The following ANKRD31 variants were observed in gnomAD, a reference collection of about 807,000 sequenced individuals.
ANKRD31 encodes ankyrin repeat domain 31, also known as ankyrin repeat domain-containing protein 31.
A neutral mutation model predicts 186.0 loss-of-function variants in ANKRD31; 147 were observed. That is an observed-to-expected ratio of 0.79 (90% CI 0.69 to 0.91). ANKRD31 has a LOEUF of 0.91. ANKRD31 is among the 40% of genes least tolerant of loss of function. The pLI is 0.00. For missense variants in ANKRD31, 1,986 were observed against 2,148.8 expected (o/e 0.92, Z 1.50); for synonymous variants, 673 against 736.4 (o/e 0.91, Z 1.39).
intron 17 of ANKRD31, among the ~76,000 whole-genome samples, chr5:75,122,396 G>A (rs1182088201): frequency 6.6e-6 from 1 of 151,498 alleles, no homozygotes; most frequent in Non-Finnish European, 1.5e-5. Context: ...AAAAAAAACT[G>A]AGCAGGAGAG....
intron 10 of ANKRD31, among the ~76,000 whole-genome samples, chr5:75,185,767 A>G (rs1479145968): frequency 2.0e-5 from 3 of 152,062 alleles, no homozygotes; most frequent in Non-Finnish European, 4.4e-5. Context: ...TGTATTAAAA[A>G]AACACATTGT....
At chr5:75,169,291 T>C (rs969553804) in intron 10 of ANKRD31, 170 bp from the exon 11 acceptor site, 98 of 765,660 alleles carry the variant, frequency 1.3e-4, no homozygotes, top group Non-Finnish European at 1.8e-4. Context: ...GTAGGTTCAA[T>C]AAACCTGAAG....
Position 75,193,496 on chromosome 5 carries a change from T to C in ANKRD31, c.1113A>G (p.Ser371=). 2 of 1,537,250 alleles carry C rather than the reference T, an allele frequency of 1.3e-6. No homozygotes were observed. The highest frequency in any genetic ancestry group is 1.7e-6 in the Non-Finnish European group (2 of 1,146,746). The change falls in exon 8 of 26, where the codon TCA becomes TCG. Residue 371 remains serine, a synonymous_variant. Coordinates refer to ENST00000506364, the MANE Select transcript of ANKRD31 (RefSeq NM_001372053.1). ...TTTCCTGATCAGAGCTATTTGTCAC[T>C]GAATTTGAATTTCTCTTATTACTTA... ...EPLSNKRNSN[S]VTNSSDQETA...
intron 17 of ANKRD31, among the ~76,000 whole-genome samples, chr5:75,129,248 T>C (rs1749529156): frequency 6.6e-6 from 1 of 152,212 alleles, no homozygotes; most frequent in Admixed American, 6.5e-5. Flanking sequence ...TCCTGAGGTC[T>C]CCTCAGTCAT....
intron 22 of ANKRD31, among the ~76,000 whole-genome samples, chr5:75,098,647 A>G (rs889014137): frequency 6.6e-6 from 1 of 152,128 alleles, no homozygotes; most frequent in African/African-American, 2.4e-5. Context: ...TGTCCTTCAC[A>G]TCCCTTGTAA....
At chr5:75,203,092 A>C (rs1418572188) in intron 5 of ANKRD31, among the ~76,000 whole-genome samples, 3 of 152,186 alleles carry the variant, frequency 2.0e-5, no homozygotes, top group African/African-American at 7.2e-5. Flanking sequence ...GACTATAGGC[A>C]TGCACTACCT....
At chr5:75,189,759 T>C (rs1754977640) in intron 9 of ANKRD31, among the ~76,000 whole-genome samples, 1 of 152,196 alleles carries the variant, frequency 6.6e-6, no homozygotes, top group African/African-American at 2.4e-5. Flanking sequence ...TAGATGTCCA[T>C]TGTCAGGTTG....
chr5:75,189,948 C>T (rs1405506795), intron 9 of ANKRD31, among the ~76,000 whole-genome samples: 1 of 151,902 alleles, frequency 6.6e-6, no homozygotes, highest in Non-Finnish European at 1.5e-5. Context: ...ATAAACACCA[C>T]TTAGTCATGA....
At chr5:75,174,997 AGATT>A (rs1236034074) in intron 10 of ANKRD31, among the ~76,000 whole-genome samples, 1 of 152,238 alleles carries the variant, frequency 6.6e-6, no homozygotes, top group Non-Finnish European at 1.5e-5. Flanking sequence ...CATCAGTGAT[AGATT>A]GGATTAAGAA....
intron 11 of ANKRD31, among the ~76,000 whole-genome samples, chr5:75,155,571 A>C (rs917104811): frequency 6.6e-6 from 1 of 152,194 alleles, no homozygotes; most frequent in African/African-American, 2.4e-5. Flanking sequence ...TCTTACGTGA[A>C]GTAAATACTA....
chr5:75,106,733 T>C (rs1459572427), intron 21 of ANKRD31, among the ~76,000 whole-genome samples: 2 of 151,998 alleles, frequency 1.3e-5, no homozygotes, highest in Non-Finnish European at 2.9e-5. Context: ...ATGTAGGTTA[T>C]ATAAGCTCAC....
In ANKRD31 at chr5:75,147,014, A is replaced by G. The variant is rs748101807; in HGVS notation, c.2397T>C (p.Thr799=). ...TCTCTTTGGAAACTGAACAAGCCTC[A>G]GTACTGCTATCTAATCCATTTCTCA... is the stretch of plus-strand genomic sequence containing the variant. The part of the protein sequence containing the change: ...SSLRNGLDSS[T]EACSVSKEKH... Residue 799 remains threonine, a synonymous_variant, in exon 14 of 26, where the codon ACT becomes ACC. Transcript: ENST00000506364. 59 of 1,536,330 alleles carry G rather than the reference A, an allele frequency of 3.8e-5. No individual in the cohort carries two copies. In the South Asian group the frequency reaches 6.4e-4, roughly 17 times the overall value.
intron 22 of ANKRD31, among the ~76,000 whole-genome samples, chr5:75,100,560 GTC>G (rs1746761859): frequency 1.3e-5 from 2 of 152,138 alleles, no homozygotes; most frequent in South Asian, 4.1e-4. Flanking sequence ...GGGGGTCTAA[GTC>G]TCTTTGTAGG....
chr5:75,087,181 T>G (rs1745556501), intron 23 of ANKRD31, among the ~76,000 whole-genome samples: 1 of 152,148 alleles, frequency 6.6e-6, no homozygotes, highest in African/African-American at 2.4e-5. Context: ...TCATATATCT[T>G]CAGAAAAACC....
In ANKRD31 at chr5:75,104,613, C is replaced by A. The variant is rs1747180903; in HGVS notation, c.4946G>T (p.Ser1649Ile). The A allele has an allele frequency of 2.6e-6, 4 of 1,536,626 alleles. No individual in the cohort carries two copies. Among genetic ancestry groups the A allele is most frequent in the African/African-American group, 1.4e-5 (1 of 73,126 alleles). Residue 1649 changes from serine (S) to isoleucine (I), a missense_variant, in exon 22 of 26, where the codon AGT (serine) becomes ATT (isoleucine). Ser to Ile is a moderately radical substitution (Grantham distance 142, BLOSUM62 -2). Transcript: ENST00000506364. ...IGKLNISETA[S>I]VLAENAAHPS... ...ATGGGCAGCATTTTCGGCAAGGACA[C>A]TTGCAGTTTCTGAAATATTTAATTT... is the stretch of plus-strand genomic sequence containing the variant.
At chr5:75,176,045 C>A (rs1391544955) in intron 10 of ANKRD31, among the ~76,000 whole-genome samples, 4 of 152,184 alleles carry the variant, frequency 2.6e-5, no homozygotes, top group African/African-American at 9.7e-5. Context: ...TAATACTGCG[C>A]TTTTCCAACA....
chr5:75,099,807 T>C (rs1281297093), intron 22 of ANKRD31, among the ~76,000 whole-genome samples: 1 of 152,096 alleles, frequency 6.6e-6, no homozygotes, highest in Non-Finnish European at 1.5e-5. Context: ...TTGCGTCTAT[T>C]TGACTCTTCT....
chr5:75,207,438 A>G (rs1407004531), intron 4 of ANKRD31, among the ~76,000 whole-genome samples: 2 of 152,190 alleles, frequency 1.3e-5, no homozygotes, highest in African/African-American at 2.4e-5. Flanking sequence ...TAGTCTGAAA[A>G]TAGAGCAAAG....
chr5:75,070,227 A>C (rs1744111293), intron 25 of ANKRD31, among the ~76,000 whole-genome samples: 2 of 152,124 alleles, frequency 1.3e-5, no homozygotes, highest in African/African-American at 4.8e-5. Context: ...GTTAAGGAAT[A>C]TTTTTTTCTT....
Sources: gnomAD v4.1 joint callset for allele counts (sites outside exome capture counted in the v4.1 genomes callset) on GRCh38, gnomAD v4.1.1 for gene constraint, MANE v1.5 for transcripts, NCBI Gene and HGNC (gene_info 2026-07-23, HGNC 2026-07-21) for gene names.